AKAP10: variants seen among roughly 807,000 people sequenced by gnomAD.
The protein encoded by AKAP10 is A-kinase anchor protein 10, mitochondrial.
In AKAP10, 24 loss-of-function variants were observed where a neutral mutation model predicts 80.8. The observed-to-expected ratio is 0.30, with a 90% CI of 0.22 to 0.42. AKAP10 has a LOEUF of 0.42. Among genes scored for constraint, AKAP10 ranks in the 10% least tolerant of loss-of-function variants. The probability of loss-of-function intolerance (pLI) is 1.00; values close to 1 mark genes in which losing one functional copy is unlikely to be tolerated. For synonymous variants in AKAP10, 291 were observed against 277.7 expected, an observed-to-expected ratio of 1.05 and a Z score of -0.48; for missense variants, 661 against 794.9, an observed-to-expected ratio of 0.83 and a Z score of 2.03.
chr17:19,973,339 T>G (rs2043523784), intron 1 of AKAP10, among the ~76,000 whole-genome samples: 1 of 152,188 alleles, frequency 6.6e-6, no homozygotes, highest in African/African-American at 2.4e-5. Context: ...TGTCTATGGC[T>G]TCAAGGATAA....
At chr17:19,911,791 C>T (rs1325609892) in intron 12 of AKAP10, among the ~76,000 whole-genome samples, 3 of 132,122 alleles carry the variant, frequency 2.3e-5, no homozygotes, top group African/African-American at 5.8e-5. Flanking sequence ...GCCGAGATCA[C>T]GCCATTGCAC....
chr17:19,908,157 G>C (rs575095125), intron 14 of AKAP10, among the ~76,000 whole-genome samples: 5 of 151,984 alleles, frequency 3.3e-5, no homozygotes, highest in Admixed American at 3.3e-4. Context: ...GAGCCACTGC[G>C]CCCAGCCTGG....
intron 4 of AKAP10, among the ~76,000 whole-genome samples, chr17:19,949,998 T>C (rs2043181409): frequency 6.6e-6 from 1 of 151,612 alleles, no homozygotes; most frequent in African/African-American, 2.4e-5. Flanking sequence ...AATCAAGAAC[T>C]CAATATATAA....
Position 19,954,112 on chromosome 17 carries a change from AT to A in AKAP10, c.877+3901del, listed in dbSNP as rs576263177. Among the ~76,000 whole-genome samples, 243 of 152,268 alleles carry A rather than the reference AT, an allele frequency of 1.6e-3. 1 individual carries two copies. Among genetic ancestry groups the A allele is most frequent in the African/African-American group, 5.2e-3 (217 of 41,542 alleles). Reference sequence around the variant, plus strand: ...AATATCTAAAGAAGAAATGACACCAATTCTACACAATCTCTTCTAGAAAATG... The same window carrying A: ...AATATCTAAAGAAGAAATGACACCAATCTACACAATCTCTTCTAGAAAATG... On this transcript the variant is annotated intron_variant, in intron 4 of 14. Transcript: ENST00000225737.
chr17:19,929,999 C>CAAAAAAAAAAAAAAAAAAAAAACAA (rs11365343), intron 10 of AKAP10, among the ~76,000 whole-genome samples: 2 of 81,842 alleles, frequency 2.4e-5, no homozygotes, highest in African/African-American at 4.1e-5. Flanking sequence ...CAACAAAAAC[C>CAAAAAAAAAAAAAAAAAAAAAACAA]AAAAAAAAAA....
intron 14 of AKAP10, among the ~76,000 whole-genome samples, chr17:19,908,169 C>T (rs544214145): frequency 1.3e-5 from 2 of 152,252 alleles, no homozygotes; most frequent in Admixed American, 6.5e-5. Flanking sequence ...CCAGCCTGGA[C>T]GTCAGACATT....
chr17:19,975,179 A>G (rs563023932), intron 1 of AKAP10, among the ~76,000 whole-genome samples: 1 of 152,238 alleles, frequency 6.6e-6, no homozygotes, highest in African/African-American at 2.4e-5. Context: ...GGTGTGCACC[A>G]TCATACCCAG....
intron 10 of AKAP10, among the ~76,000 whole-genome samples, chr17:19,929,039 C>G (rs565771646): frequency 7.2e-5 from 11 of 152,194 alleles, no homozygotes; most frequent in African/African-American, 2.6e-4. Flanking sequence ...TGATACATGC[C>G]AAACATGGAT....
chr17:19,943,964 T>C (rs1406525694), intron 5 of AKAP10, among the ~76,000 whole-genome samples: 1 of 151,686 alleles, frequency 6.6e-6, no homozygotes, highest in African/African-American at 2.4e-5. Flanking sequence ...TTCTGTTTTG[T>C]GAGAGTTCAG....
chr17:19,920,206 A>G (rs1012206965), intron 11 of AKAP10, 88 bp from the exon 12 acceptor site: 2 of 999,102 alleles, frequency 2.0e-6, no homozygotes, highest in African/African-American at 3.3e-5. Flanking sequence ...TTTCATCTAA[A>G]TCTAGAAAGC....
intron 4 of AKAP10, among the ~76,000 whole-genome samples, chr17:19,956,343 AAAAATCACT>A (rs1324322266): frequency 2.0e-5 from 3 of 152,196 alleles, no homozygotes; most frequent in Non-Finnish European, 4.4e-5. Context: ...GTTCACGGCC[AAAAATCACT>A]AAAATCACAA....
intron 13 of AKAP10, 130 bp from the exon 14 acceptor site, chr17:19,909,406 T>G (rs1037507011): frequency 3.6e-6 from 3 of 838,472 alleles, no homozygotes; most frequent in African/African-American, 3.6e-5. Flanking sequence ...TTCATTCCCA[T>G]GTACGAAAAA....
chr17:19,923,325 G>A (rs1402335284), intron 11 of AKAP10, among the ~76,000 whole-genome samples: 16 of 152,136 alleles, frequency 1.1e-4, no homozygotes, highest in Non-Finnish European at 1.0e-4. Flanking sequence ...TAATCCGCCC[G>A]TCTCGGCCTC....
At chr17:19,934,514 A>C (rs1366306235) in intron 9 of AKAP10, among the ~76,000 whole-genome samples, 1 of 152,150 alleles carries the variant, frequency 6.6e-6, no homozygotes, top group Non-Finnish European at 1.5e-5. Context: ...CGCCCAGCTA[A>C]TTTTTGATAC....
intron 2 of AKAP10, among the ~76,000 whole-genome samples, chr17:19,966,517 T>C (rs2043420426): frequency 6.6e-6 from 1 of 152,234 alleles, no homozygotes; most frequent in Non-Finnish European, 1.5e-5. Flanking sequence ...TTGCTACTGT[T>C]CTGTGTATAA....
Position 19,958,153 on chromosome 17 carries a change from A to AT in AKAP10, c.737dup (p.His246GlnfsTer6). On this transcript the variant is annotated frameshift_variant, in exon 4 of 15. Transcript: ENST00000225737. LOFTEE classifies it high-confidence loss of function. ...CTCTGGCCATTTCAAGACGGAGAGA[A>AT]TGGGCACTGTCACATTCCTGGGAAA... 6.2e-7 allele frequency: 1 copy of AT among 1,614,136 alleles called. No homozygotes were observed. Among genetic ancestry groups the AT allele is most frequent in the Non-Finnish European group, 8.5e-7 (1 of 1,179,980 alleles).
intron 12 of AKAP10, among the ~76,000 whole-genome samples, chr17:19,914,101 G>T (rs543063427): frequency 3.5e-4 from 53 of 152,268 alleles, no homozygotes; most frequent in Middle Eastern, 3.4e-3. Context: ...CTGGGCCCAA[G>T]CGATTCTCCC....
At chr17:19,952,826 A>T (rs2043230222) in intron 4 of AKAP10, among the ~76,000 whole-genome samples, 1 of 152,198 alleles carries the variant, frequency 6.6e-6, no homozygotes, top group Non-Finnish European at 1.5e-5. Context: ...AAAAAATTGT[A>T]GTTGGAAAGT....
intron 4 of AKAP10, among the ~76,000 whole-genome samples, chr17:19,956,197 T>C (rs2043273739): frequency 6.6e-6 from 1 of 152,042 alleles, no homozygotes; most frequent in South Asian, 2.1e-4. Context: ...AAGACAAAAA[T>C]TCAGTTTTAA....
Sources: allele counts gnomAD v4.1 joint callset (sites outside exome capture counted in the v4.1 genomes callset), GRCh38; gene constraint gnomAD v4.1.1; transcripts MANE v1.5; gene names NCBI Gene and HGNC (gene_info 2026-07-23, HGNC 2026-07-21).